Variants in SUCO observed in about 807,000 individuals in gnomAD.
The protein encoded by SUCO is SUN domain containing ossification factor.
SUCO carries 57 observed loss-of-function variants against 148.1 expected under a neutral mutation model. The observed-to-expected ratio is 0.38, with a 90% CI of 0.31 to 0.48. SUCO has a LOEUF of 0.48. SUCO is among the 20% of genes least tolerant of loss of function. The pLI is 0.96. For synonymous variants in SUCO, 470 were observed against 502.7 expected (o/e 0.93, Z 0.87); for missense variants, 1,331 against 1,468.2 (o/e 0.91, Z 1.53).
At chr1:172,597,625 C>A (rs1657218888) in intron 19 of SUCO, among the ~76,000 whole-genome samples, 2 of 151,820 alleles carry the variant, frequency 1.3e-5, no homozygotes, top group Non-Finnish European at 2.9e-5. Context: ...TATCTCTTGG[C>A]TAGAGCCATA....
At chr1:172,603,457 G>A (rs1004638118) in intron 22 of SUCO, among the ~76,000 whole-genome samples, 1 of 151,940 alleles carries the variant, frequency 6.6e-6, no homozygotes, top group Non-Finnish European at 1.5e-5. Flanking sequence ...TAACTGAGTA[G>A]CATGTTTCAA....
intron 9 of SUCO, 71 bp from the exon 10 acceptor site, chr1:172,573,820 T>C: frequency 1.2e-6 from 1 of 844,776 alleles, no homozygotes; most frequent in South Asian, 1.6e-5. Flanking sequence ...TTATGGAAAC[T>C]GTTAATGTCA....
intron 13 of SUCO, 32 bp from the exon 14 acceptor site, chr1:172,578,266 T>G: frequency 2.7e-6 from 4 of 1,472,678 alleles, no homozygotes; most frequent in Non-Finnish European, 3.8e-6. Flanking sequence ...GTGTTTTGTT[T>G]TGGAAGTCTT....
At chr1:172,568,761 AT>A (rs1654738008) in intron 6 of SUCO, among the ~76,000 whole-genome samples, 1 of 152,234 alleles carries the variant, frequency 6.6e-6, no homozygotes, top group East Asian at 1.9e-4. Context: ...TTTATAAATT[AT>A]TTTTTTCAAC....
At chr1:172,568,364 C>A in intron 6 of SUCO, 3 of 888,170 alleles carry the variant, frequency 3.4e-6, no homozygotes, top group African/African-American at 2.0e-5. Context: ...AATAATAATT[C>A]TTTGTTGACT....
Position 172,591,106 on chromosome 1 carries a change from A to G in SUCO, c.2913+35A>G, listed in dbSNP as rs1264630707. 9.3e-6 allele frequency: 14 copies of G among 1,501,676 alleles called. 2 individuals carry two copies. The South Asian group carries it at 1.5e-4, about 16-fold the overall frequency. 93.0% of individuals were successfully genotyped at this position (1,501,676 alleles called of 1,614,324 possible). ...TACATCCCTTATTTACTTTTTATAT[A>G]AATTTCCACTGAATTCTGTAGGGTC... On this transcript the variant is annotated intron_variant, in intron 19 of 23. Transcript: ENST00000263688.
chr1:172,599,185 C>A (rs980960288), intron 19 of SUCO, among the ~76,000 whole-genome samples: 18 of 152,054 alleles, frequency 1.2e-4, no homozygotes, highest in African/African-American at 3.9e-4. Flanking sequence ...AATAATTAGC[C>A]GGGCATAGTG....
At chr1:172,569,818 A>G (rs1260899462) in intron 7 of SUCO, among the ~76,000 whole-genome samples, 2 of 152,208 alleles carry the variant, frequency 1.3e-5, no homozygotes, top group African/African-American at 4.8e-5. Flanking sequence ...TTACTTAGAC[A>G]TAAGTAATGT....
chr1:172,597,661 A>G (rs1003245481), intron 19 of SUCO, among the ~76,000 whole-genome samples: 1 of 152,008 alleles, frequency 6.6e-6, no homozygotes, highest in Non-Finnish European at 1.5e-5. Flanking sequence ...ACTGGTAATT[A>G]TGACCGTTCC....
intron 9 of SUCO, among the ~76,000 whole-genome samples, chr1:172,573,116 A>C (rs139087557): frequency 6.6e-6 from 1 of 152,306 alleles, no homozygotes; most frequent in East Asian, 1.9e-4. Context: ...ATAATTTGGT[A>C]AGTTTTGACA....
At chr1:172,586,006 A>AGCT in intron 17 of SUCO, 58 bp downstream of exon 17, 1 of 1,122,088 alleles carries the variant, frequency 8.9e-7, no homozygotes, top group South Asian at 1.5e-5. Flanking sequence ...TAAGTATATT[A>AGCT]GTATAAAAAA....
At chr1:172,588,120 A>T (rs1380923355) in intron 17 of SUCO, 1 of 985,158 alleles carries the variant, frequency 1.0e-6, no homozygotes, top group Non-Finnish European at 1.2e-6. Flanking sequence ...TTATTTTAGG[A>T]AGGGAGATAT....
At chr1:172,544,514 T>C (rs933903761) in intron 1 of SUCO, among the ~76,000 whole-genome samples, 1 of 152,080 alleles carries the variant, frequency 6.6e-6, no homozygotes, top group Non-Finnish European at 1.5e-5. Flanking sequence ...ATCAGGAAAA[T>C]GTTTTAGACC....
intron 1 of SUCO, among the ~76,000 whole-genome samples, chr1:172,534,472 TG>T (rs1454330509): frequency 6.6e-6 from 1 of 152,248 alleles, no homozygotes; most frequent in Non-Finnish European, 1.5e-5. Flanking sequence ...TTTTTATGGA[TG>T]CCTTATGGAT....
At chr1:172,588,635 A>C (rs1389597944) in intron 17 of SUCO, 125 bp from the exon 18 acceptor site, 1 of 1,267,696 alleles carries the variant, frequency 7.9e-7, no homozygotes, top group African/African-American at 1.5e-5. Flanking sequence ...CATTTATCCA[A>C]AAACAAATTT....
chr1:172,571,408 A>G (rs1384873478), intron 9 of SUCO, among the ~76,000 whole-genome samples: 2 of 152,054 alleles, frequency 1.3e-5, no homozygotes, highest in African/African-American at 2.4e-5. Flanking sequence ...TCGGCTCGCT[A>G]CAACCTCCAC....
intron 17 of SUCO, chr1:172,588,035 G>C (rs1159557647): frequency 2.1e-6 from 2 of 949,308 alleles, no homozygotes; most frequent in African/African-American, 1.8e-5. Flanking sequence ...AGCACTGTTA[G>C]CATATCATAA....
In SUCO at chr1:172,533,179, G is replaced by A. The variant is rs978650881; in HGVS notation, c.-257G>A. The A allele has an allele frequency of 4.0e-6, 6 of 1,482,560 alleles. 1 individual carries two copies. The South Asian group carries it at 6.6e-5, about 16-fold the overall frequency. The allele number at this position is 1,482,560 out of a possible 1,614,324, so 91.8% of individuals were successfully genotyped here. A position where few individuals can be genotyped will look rare whatever the true frequency, so the allele number is the denominator to read the frequency against. ...GGCGGCAGTGGCGGCTGCAGGAGGC[G>A]GGCGTGGACGAGCCGGTGGCTGCAG... On this transcript the variant is annotated 5_prime_UTR_variant, in exon 1 of 24. Coordinates refer to ENST00000263688, the MANE Select transcript of SUCO (RefSeq NM_014283.5).
chr1:172,610,168 G>T lies in SUCO; in HGVS notation c.3674G>T (p.Gly1225Val), dbSNP rs765614487. 6.2e-7 allele frequency: 1 copy of T among 1,613,552 alleles called. No individual in the cohort carries two copies. Among genetic ancestry groups the T allele is most frequent in the Admixed American group, 1.7e-5 (1 of 59,944 alleles). ...AAAACTCTAATACAGACTAAGTCGGGATCATTGCCGAGCCTGCATGACATA... is the reference window on the plus strand; with the variant it reads ...AAAACTCTAATACAGACTAAGTCGGTATCATTGCCGAGCCTGCATGACATA... ...LIKTLIQTKSGSLPSLHDIIK... is the reference protein window; with the variant it reads ...LIKTLIQTKSVSLPSLHDIIK... The change falls in exon 24 of 24, where the codon GGA becomes GTA. Residue 1225 changes from glycine to valine, a missense_variant. By Grantham distance (109) the Gly-to-Val change is moderately radical. This residue lies in a region of SUCO where 334 missense variants were observed against 352.3 expected (regional missense o/e 0.95). Transcript: ENST00000263688.
Sources: gnomAD v4.1 joint callset for allele counts (sites outside exome capture counted in the v4.1 genomes callset) on GRCh38, gnomAD v4.1.1 for gene constraint, gnomAD v4.1.1 regional missense constraint, MANE v1.5 for transcripts, NCBI Gene and HGNC (gene_info 2026-07-23, HGNC 2026-07-21) for gene names.